Variants in NEXMIF observed in about 807,000 individuals in gnomAD.
NEXMIF encodes the protein XLMR protein related to neurite extension.
In NEXMIF, 8 loss-of-function variants were observed where a neutral mutation model predicts 62.1. That is an observed-to-expected ratio of 0.13 (90% CI 0.08 to 0.23). NEXMIF has a LOEUF of 0.23. NEXMIF is among the 10% of genes least tolerant of loss of function. NEXMIF has a pLI of 1.00. For missense variants in NEXMIF, 976 were observed against 1,113.3 expected, an observed-to-expected ratio of 0.88 and a Z score of 1.75; for synonymous variants, 404 against 416.6, an observed-to-expected ratio of 0.97 and a Z score of 0.37.
At chrX:74,856,474 G>A (rs756211937) in intron 1 of NEXMIF, among the ~76,000 whole-genome samples, 21 of 111,570 alleles carry the variant, frequency 1.9e-4, no homozygotes, top group Non-Finnish European at 2.6e-4. Context: ...ATGCCCAGAA[G>A]CGGAGGAGAG....
At chrX:74,747,746 C>T (rs2080130077) in intron 1 of NEXMIF, among the ~76,000 whole-genome samples, 1 of 109,240 alleles carries the variant, frequency 9.2e-6, no homozygotes. Flanking sequence ...TCCCAAGTAA[C>T]TGGAATTAAC....
chrX:74,768,535 C>A (rs1358687071), intron 1 of NEXMIF, among the ~76,000 whole-genome samples: 1 of 112,140 alleles, frequency 8.9e-6, no homozygotes, highest in East Asian at 2.8e-4. Context: ...TTTAGTTAGA[C>A]CACAATGGAA....
At chrX:74,769,622 T>C in intron 1 of NEXMIF, 2 of 598,082 alleles carry the variant, frequency 3.3e-6, no homozygotes, top group Admixed American at 2.3e-5. Flanking sequence ...TGATGGGATA[T>C]ATTCAGTCAC....
chrX:74,836,424 A>C (rs1207104837), intron 1 of NEXMIF, among the ~76,000 whole-genome samples: 2 of 112,446 alleles, frequency 1.8e-5, no homozygotes, highest in Non-Finnish European at 3.8e-5. Flanking sequence ...AGAACGTCTT[A>C]GAACCCAAAG....
intron 1 of NEXMIF, among the ~76,000 whole-genome samples, chrX:74,754,114 A>G (rs1460276495): frequency 9.2e-6 from 1 of 108,874 alleles, no homozygotes; most frequent in Non-Finnish European, 1.9e-5. Context: ...GGCATGCACC[A>G]CCACACCCGG....
intron 1 of NEXMIF, among the ~76,000 whole-genome samples, chrX:74,922,062 T>A (rs1228192379): frequency 3.6e-5 from 4 of 111,756 alleles, no homozygotes; most frequent in Non-Finnish European, 7.5e-5. Flanking sequence ...GCAAATACAC[T>A]ATGGTGGTCC....
intron 1 of NEXMIF, among the ~76,000 whole-genome samples, chrX:74,752,594 A>G (rs1022884263): frequency 8.9e-6 from 1 of 111,737 alleles, no homozygotes. Flanking sequence ...AATGCACTGT[A>G]TATATTAAAG....
intron 1 of NEXMIF, among the ~76,000 whole-genome samples, chrX:74,862,488 T>G (rs1391497267): frequency 1.8e-5 from 2 of 110,048 alleles, no homozygotes; most frequent in Admixed American, 9.8e-5. Flanking sequence ...CAAGTGGACC[T>G]GATACATATC....
At chrX:74,887,528 C>CA (rs1032950546) in intron 1 of NEXMIF, among the ~76,000 whole-genome samples, 1 of 112,036 alleles carries the variant, frequency 8.9e-6, no homozygotes, top group Non-Finnish European at 1.9e-5. Flanking sequence ...TTTATTCAGC[C>CA]AAAAAACACA....
In NEXMIF at chrX:74,743,644, T is replaced by A; in HGVS notation, c.913A>T (p.Ser305Cys). Residue 305 changes from serine (S) to cysteine (C), a missense_variant, in exon 3 of 4, where the codon AGT becomes TGT. By Grantham distance (112) the Ser-to-Cys change is moderately radical. Transcript: ENST00000055682. ...MFDDDESTLG[S>C]DVCSLKIRYE... ...CGAATTTTCAGGGAGCAGACATCACTGCCTAGTGTTGATTCATCATCATCA... is the reference window on the plus strand; with the variant it reads ...CGAATTTTCAGGGAGCAGACATCACAGCCTAGTGTTGATTCATCATCATCA... The A allele has an allele frequency of 8.3e-7, 1 of 1,211,369 alleles. No individual in the cohort carries two copies. The highest frequency in any genetic ancestry group is 1.1e-6 in the Non-Finnish European group (1 of 895,003).
intron 1 of NEXMIF, among the ~76,000 whole-genome samples, chrX:74,897,434 A>AT (rs2080736172): frequency 8.9e-6 from 1 of 111,892 alleles, no homozygotes; most frequent in African/African-American, 3.2e-5. Context: ...TATGGGGATA[A>AT]TTTTTTTCAT....
At chrX:74,801,239 G>A (rs2080328894) in intron 1 of NEXMIF, among the ~76,000 whole-genome samples, 1 of 112,022 alleles carries the variant, frequency 8.9e-6, no homozygotes, top group African/African-American at 3.2e-5. Flanking sequence ...CATCACGGTT[G>A]CTTAGAAGTT....
intron 1 of NEXMIF, among the ~76,000 whole-genome samples, chrX:74,881,392 GCACACACA>G (rs367805528): frequency 4.5e-5 from 4 of 88,572 alleles, no homozygotes; most frequent in Non-Finnish European, 6.3e-5. Flanking sequence ...ACATACACAT[GCACACACA>G]CACACACACA....
chrX:74,816,044 A>G (rs1260924585), intron 1 of NEXMIF, among the ~76,000 whole-genome samples: 1 of 111,346 alleles, frequency 9.0e-6, no homozygotes, highest in Admixed American at 9.6e-5. Context: ...CTGCTTATTA[A>G]CTACATAGGA....
At chrX:74,864,363 A>C (rs2080569578) in intron 1 of NEXMIF, among the ~76,000 whole-genome samples, 1 of 112,410 alleles carries the variant, frequency 8.9e-6, no homozygotes, top group Non-Finnish European at 1.9e-5. Flanking sequence ...TAAGCTAATA[A>C]GCAACTTCAG....
intron 1 of NEXMIF, among the ~76,000 whole-genome samples, chrX:74,789,515 G>C (rs1440413090): frequency 9.0e-6 from 1 of 110,861 alleles, no homozygotes; most frequent in Non-Finnish European, 1.9e-5. Context: ...GGGTCAAATG[G>C]TATTTCCAGT....
At chrX:74,868,136 T>C (rs2080586888) in intron 1 of NEXMIF, among the ~76,000 whole-genome samples, 1 of 111,738 alleles carries the variant, frequency 8.9e-6, no homozygotes, top group Non-Finnish European at 1.9e-5. Context: ...CAGATACTGG[T>C]GAGGCTGTGC....
intron 1 of NEXMIF, among the ~76,000 whole-genome samples, chrX:74,861,130 C>T (rs1376984531): frequency 1.8e-5 from 2 of 111,494 alleles, no homozygotes; most frequent in South Asian, 3.7e-4. Context: ...ACCAGAATAA[C>T]CAGTTTAAAG....
chrX:74,879,208 A>G (rs1163554561), intron 1 of NEXMIF, among the ~76,000 whole-genome samples: 2 of 111,960 alleles, frequency 1.8e-5, no homozygotes, highest in African/African-American at 6.5e-5. Flanking sequence ...TGTTGGTACA[A>G]GGGTTAAATT....
Sources: allele counts gnomAD v4.1 joint callset (sites outside exome capture counted in the v4.1 genomes callset), GRCh38; gene constraint gnomAD v4.1.1; transcripts MANE v1.5; gene names NCBI Gene and HGNC (gene_info 2026-07-23, HGNC 2026-07-21).